RAB27B: variants seen among roughly 807,000 people sequenced by gnomAD.
RAB27B encodes the protein RAB27B, member RAS oncogene family.
Under a neutral mutation model 24.6 loss-of-function variants are expected in RAB27B, and 15 were observed. That is an observed-to-expected ratio of 0.61 (90% confidence interval 0.41 to 0.94). The LOEUF (loss-of-function observed/expected upper bound fraction) is 0.94. Among genes scored for constraint, RAB27B ranks in the 40% least tolerant of loss-of-function variants. The pLI, the probability that RAB27B is intolerant of heterozygous loss-of-function variation, is 0.00. For missense variants in RAB27B, 261 were observed against 266.8 expected (o/e 0.98, Z 0.15); for synonymous variants, 105 against 92.5 (o/e 1.14, Z -0.78).
intron 1 of RAB27B, among the ~76,000 whole-genome samples, chr18:54,866,768 G>T (rs1912244525): frequency 6.6e-6 from 1 of 152,174 alleles, no homozygotes; most frequent in African/African-American, 2.4e-5. Flanking sequence ...CATCATTCTG[G>T]CACTGGGAGC....
At chr18:54,736,799 G>C (rs1044317735) in intron 2 of RAB27B, among the ~76,000 whole-genome samples, 2 of 152,132 alleles carry the variant, frequency 1.3e-5, no homozygotes, top group Non-Finnish European at 2.9e-5. Flanking sequence ...CCTGACAAAA[G>C]AGATAGCATA....
intron 2 of RAB27B, among the ~76,000 whole-genome samples, chr18:54,801,275 A>C (rs1358691529): frequency 6.6e-6 from 1 of 152,000 alleles, no homozygotes; most frequent in Non-Finnish European, 1.5e-5. Flanking sequence ...TTGGCCTCCC[A>C]AAGTGTTGGG....
chr18:54,816,450 A>C (rs1190696625), intron 2 of RAB27B, among the ~76,000 whole-genome samples: 1 of 152,198 alleles, frequency 6.6e-6, no homozygotes, highest in East Asian at 1.9e-4. Context: ...CGACTGAGGG[A>C]TTGACATATT....
At chr18:54,840,171 A>G (rs760368026) in intron 1 of RAB27B, among the ~76,000 whole-genome samples, 1 of 152,164 alleles carries the variant, frequency 6.6e-6, no homozygotes, top group African/African-American at 2.4e-5. Flanking sequence ...ATATTAATTG[A>G]GGGTAAAGTT....
chr18:54,826,255 CAT>C (rs1200552635), upstream of RAB27B, among the ~76,000 whole-genome samples: 9 of 152,188 alleles, frequency 5.9e-5, no homozygotes, highest in Non-Finnish European at 4.4e-5. Flanking sequence ...AGTTATGCTA[CAT>C]AAACTCCAGG....
chr18:54,886,826 A>G (rs951231431), intron 4 of RAB27B, among the ~76,000 whole-genome samples: 1 of 152,128 alleles, frequency 6.6e-6, no homozygotes, highest in Non-Finnish European at 1.5e-5. Context: ...AATTGGTGTT[A>G]CAGAGTTAGC....
At chr18:54,842,313 T>TAGAG (rs3060040) in intron 1 of RAB27B, among the ~76,000 whole-genome samples, 144,121 of 152,050 alleles carry the variant, frequency 0.95, 68,802 homozygotes, top group East Asian at 1. Flanking sequence ...TTGATATTCT[T>TAGAG]AGAATTTATG....
chr18:54,887,993 A>T lies in RAB27B; in HGVS notation c.344-2A>T. The T allele has an allele frequency of 1.2e-6, 2 of 1,608,890 alleles. No individual in the cohort carries two copies. Among genetic ancestry groups the T allele is most frequent in the Non-Finnish European group, 1.7e-6 (2 of 1,177,240 alleles). ...GCTGGTTCCATCTGCTTTCTTTTCA[A>T]GGCCAACTGCAAGCAAATGCTTATT... On this transcript the variant is annotated splice_acceptor_variant, in intron 4 of 5. Coordinates refer to ENST00000262094, the MANE Select transcript of RAB27B (RefSeq NM_004163.4). LOFTEE classifies it high-confidence loss of function.
At chr18:54,724,903 C>T (rs890543549) in intron 2 of RAB27B, among the ~76,000 whole-genome samples, 1 of 151,490 alleles carries the variant, frequency 6.6e-6, no homozygotes, top group Non-Finnish European at 1.5e-5. Context: ...TAAGAGTAAA[C>T]TTGATTCTTA....
chr18:54,778,032 C>A (rs1007999212), intron 2 of RAB27B, among the ~76,000 whole-genome samples: 1 of 152,168 alleles, frequency 6.6e-6, no homozygotes, highest in Non-Finnish European at 1.5e-5. Context: ...TTACAAGGAA[C>A]AATTTACAGC....
At chr18:54,794,334 T>A (rs1333728699) in intron 2 of RAB27B, among the ~76,000 whole-genome samples, 1 of 152,234 alleles carries the variant, frequency 6.6e-6, no homozygotes, top group Non-Finnish European at 1.5e-5. Flanking sequence ...CATATTTTTC[T>A]GAGTGTCATT....
intron 1 of RAB27B, among the ~76,000 whole-genome samples, chr18:54,862,574 TCTG>T (rs1912050676): frequency 6.6e-6 from 1 of 152,204 alleles, no homozygotes; most frequent in African/African-American, 2.4e-5. Flanking sequence ...TGGCTGCTCT[TCTG>T]CTGATTCCTA....
intron 2 of RAB27B, among the ~76,000 whole-genome samples, chr18:54,763,406 G>C (rs1433540345): frequency 6.6e-6 from 1 of 152,144 alleles, no homozygotes; most frequent in Non-Finnish European, 1.5e-5. Context: ...AGAGCCCAGG[G>C]AGGGAGAGGC....
At chr18:54,875,063 CTG>C (rs1912638843) in intron 1 of RAB27B, among the ~76,000 whole-genome samples, 1 of 152,160 alleles carries the variant, frequency 6.6e-6, no homozygotes, top group Admixed American at 6.5e-5. Flanking sequence ...TGGCTCATGT[CTG>C]TAATCCCAGC....
intron 2 of RAB27B, among the ~76,000 whole-genome samples, chr18:54,818,622 G>T (rs1002909927): frequency 6.6e-6 from 1 of 151,996 alleles, no homozygotes; most frequent in Non-Finnish European, 1.5e-5. Flanking sequence ...TTGCATTCAG[G>T]TCCTACACAC....
intron 2 of RAB27B, among the ~76,000 whole-genome samples, chr18:54,758,635 T>TAAA (rs58044123): frequency 0.13 from 18,548 of 141,542 alleles, 1,347 homozygotes; most frequent in Non-Finnish European, 0.16. Context: ...CAAAAACAAT[T>TAAA]AAAAAAAAAA....
intron 1 of RAB27B, among the ~76,000 whole-genome samples, chr18:54,864,661 A>C (rs926501108): frequency 1.3e-5 from 2 of 152,106 alleles, no homozygotes; most frequent in South Asian, 4.1e-4. Context: ...TGAAAGGACT[A>C]TTCTTTTTCC....
intron 2 of RAB27B, among the ~76,000 whole-genome samples, chr18:54,732,078 A>AT (rs1234119949): frequency 1.2e-4 from 18 of 152,192 alleles, no homozygotes; most frequent in African/African-American, 2.7e-4. Context: ...AAGAATGACC[A>AT]TTTTTTATGT....
intron 1 of RAB27B, among the ~76,000 whole-genome samples, chr18:54,872,566 G>A (rs1056608298): frequency 2.0e-5 from 3 of 151,398 alleles, no homozygotes; most frequent in Non-Finnish European, 2.9e-5. Flanking sequence ...TGGAGGTTGC[G>A]GTGAGCTGAG....
Sources: allele counts gnomAD v4.1 joint callset (sites outside exome capture counted in the v4.1 genomes callset), GRCh38; gene constraint gnomAD v4.1.1; transcripts MANE v1.5; gene names NCBI Gene and HGNC (gene_info 2026-07-23, HGNC 2026-07-21).